The following NOS2 variants were observed in gnomAD, a reference collection of about 807,000 sequenced individuals.
NOS2 encodes nitric oxide synthase, inducible.
A neutral mutation model predicts 136.0 loss-of-function variants in NOS2; 96 were observed. The ratio of observed to expected loss-of-function variants is 0.71; its 90% confidence interval spans 0.60 to 0.84. NOS2 has a LOEUF of 0.84. NOS2 is among the 40% of genes least tolerant of loss of function. The pLI, the probability that NOS2 is intolerant of heterozygous loss-of-function variation, is 0.00. For missense variants in NOS2, 1,237 were observed against 1,496.9 expected, an observed-to-expected ratio of 0.83 and a Z score of 2.87; for synonymous variants, 539 against 587.5, an observed-to-expected ratio of 0.92 and a Z score of 1.20.
In NOS2 at chr17:27,773,373, C is replaced by A. The variant is rs992727028; in HGVS notation, c.1477-130G>T. The A allele has an allele frequency of 1.6e-4, 107 of 678,506 alleles. No individual in the cohort carries two copies. In the African/African-American group the frequency reaches 1.7e-3, roughly 11 times the overall value. 42.0% of individuals were successfully genotyped at this position (678,506 alleles called of 1,614,324 possible). On this transcript the variant is annotated intron_variant, in intron 12 of 26. Coordinates refer to ENST00000313735, the MANE Select transcript of NOS2 (RefSeq NM_000625.4). ...GAGAGAAGGCTGGCCTGCGCCCCAC[C>A]CCTGTCACTGAACTCCCACAAGGGA... is the stretch of plus-strand genomic sequence containing the variant.
chr17:27,765,736 C>A lies in NOS2; in HGVS notation c.2247-20G>T. On this transcript the variant is annotated intron_variant, in intron 19 of 26. Transcript: ENST00000313735. ...GCACGGCTGGGGAAGGAAAATGAAG[C>A]CTCAGGTGACATTGCAGGATTTCCT... 1 of 1,579,172 alleles carries A rather than the reference C, an allele frequency of 6.3e-7. No homozygotes were observed. The highest frequency in any genetic ancestry group is 8.6e-7 in the Non-Finnish European group (1 of 1,162,324).
In NOS2 at chr17:27,788,921, T is replaced by A; in HGVS notation, c.206A>T (p.Glu69Val). The change falls in exon 4 of 27, where the codon GAA becomes GTA. Residue 69 changes from glutamate to valine, a missense_variant. This residue lies in a region of NOS2 where 440 missense variants were observed against 545.4 expected (regional missense o/e 0.81). Coordinates refer to ENST00000313735, the MANE Select transcript of NOS2 (RefSeq NM_000625.4). ...GGTTGCATCCAGCTTGACCAGAGAT[T>A]CTGGAGACTTCTGCAAGGGGAAAAA... is the stretch of plus-strand genomic sequence containing the variant. ...PLVETGKKSPESLVKLDATPL... is the reference protein window; with the variant it reads ...PLVETGKKSPVSLVKLDATPL... The A allele has an allele frequency of 6.2e-7, 1 of 1,613,864 alleles. No individual in the cohort carries two copies. The highest frequency in any genetic ancestry group is 1.1e-5 in the South Asian group (1 of 91,032).
At chr17:27,788,783 G>A (rs1035926148) in intron 4 of NOS2, 26 bp downstream of exon 4, 4 of 1,600,754 alleles carry the variant, frequency 2.5e-6, no homozygotes, top group Non-Finnish European at 3.4e-6. Flanking sequence ...GGACAAAGGT[G>A]GTTCTCCCTG....
chr17:27,769,659 C>A, intron 15 of NOS2, 75 bp from the exon 16 acceptor site: 1 of 1,311,046 alleles, frequency 7.6e-7, no homozygotes, highest in Non-Finnish European at 1.1e-6. Context: ...CTTCTGGAAA[C>A]CTGGCCACAG....
chr17:27,765,176 C>T (rs1400069301), intron 20 of NOS2, among the ~76,000 whole-genome samples: 7 of 152,132 alleles, frequency 4.6e-5, no homozygotes, highest in Admixed American at 1.3e-4. Context: ...TTAGTAGAGA[C>T]GGGGTTTTGC....
At chr17:27,778,549 C>A in intron 11 of NOS2, 141 bp downstream of exon 11, 1 of 688,884 alleles carries the variant, frequency 1.5e-6, no homozygotes, top group African/African-American at 1.8e-5. Flanking sequence ...ATTGAACAGT[C>A]TTGGGAGGTG....
intron 2 of NOS2, among the ~76,000 whole-genome samples, chr17:27,794,895 C>T (rs3794766): frequency 0.21 from 32,648 of 152,068 alleles, 3,628 homozygotes; most frequent in Middle Eastern, 0.24. Context: ...AGGATGAAAT[C>T]CCCTTTGCAC....
intron 11 of NOS2, among the ~76,000 whole-genome samples, chr17:27,776,499 C>T (rs1442948384): frequency 1.3e-5 from 2 of 151,818 alleles, no homozygotes; most frequent in Non-Finnish European, 2.9e-5. Context: ...ATGGTGAAAC[C>T]CTATCTCTAC....
At chr17:27,798,968 C>T (rs71653625) in intron 1 of NOS2, 86 bp from the exon 2 acceptor site, 12 of 607,310 alleles carry the variant, frequency 2.0e-5, no homozygotes, top group African/African-American at 3.7e-5. Flanking sequence ...ACTGGGGAAT[C>T]GATATGAACG....
chr17:27,759,132 G>GGCAGGCCTCCTTGAGGCCA, intron 25 of NOS2, 57 bp from the exon 26 acceptor site: 1 of 1,333,216 alleles, frequency 7.5e-7, no homozygotes, highest in Non-Finnish European at 1.0e-6. Context: ...AAGGCTTGCA[G>GGCAGGCCTCCTTGAGGCCA]GCAGGCCTGC....
intron 5 of NOS2, among the ~76,000 whole-genome samples, chr17:27,786,106 A>G (rs529582081): frequency 6.7e-6 from 1 of 148,994 alleles, no homozygotes; most frequent in East Asian, 2.0e-4. Context: ...TAATAGCAAC[A>G]CTCCCCTTCC....
At chr17:27,797,316 T>C (rs1421660517) in intron 2 of NOS2, among the ~76,000 whole-genome samples, 1 of 152,236 alleles carries the variant, frequency 6.6e-6, no homozygotes, top group African/African-American at 2.4e-5. Context: ...AACAGTGCCA[T>C]TTGCTGAGCA....
chr17:27,757,126 G>T lies in NOS2; in HGVS notation c.*120C>A. The T allele has an allele frequency of 2.8e-6, 2 of 721,590 alleles. No individual in the cohort carries two copies. Among genetic ancestry groups the T allele is most frequent in the Non-Finnish European group, 2.2e-6 (1 of 445,654 alleles). 44.7% of individuals were successfully genotyped at this position (721,590 alleles called of 1,614,324 possible). A position where few individuals can be genotyped will look rare whatever the true frequency, so the allele number is the denominator to read the frequency against. On this transcript the variant is annotated 3_prime_UTR_variant, in exon 27 of 27. Transcript: ENST00000313735. ...ATGGGGAGCAACGTTGAGGAAATAA[G>T]ACTTGAGGCTGGGGGATATCACTTT...
chr17:27,784,789 C>T (rs1908967703), intron 5 of NOS2, among the ~76,000 whole-genome samples: 1 of 152,210 alleles, frequency 6.6e-6, no homozygotes, highest in Non-Finnish European at 1.5e-5. Context: ...TGAACCTGCT[C>T]AGCTGGTCAT....
chr17:27,769,608 G>A, intron 15 of NOS2, 24 bp from the exon 16 acceptor site: 1 of 1,597,776 alleles, frequency 6.3e-7, no homozygotes. Context: ...GAATGACAGA[G>A]TTCTCAAGCC....
intron 5 of NOS2, among the ~76,000 whole-genome samples, chr17:27,785,957 CAAAAAAAAAAAAA>C (rs1170004221): frequency 3.3e-4 from 13 of 39,802 alleles, no homozygotes; most frequent in African/African-American, 1.2e-3. Context: ...GACCGAGTCT[CAAAAAAAAAAAAA>C]AAAAAAAAAA....
At chr17:27,780,687 G>A (rs1908814484) in intron 9 of NOS2, 80 bp downstream of exon 9, 1 of 1,590,134 alleles carries the variant, frequency 6.3e-7, no homozygotes, top group South Asian at 1.1e-5. Flanking sequence ...AAGGTATGGG[G>A]AAGGCTGGAG....
intron 11 of NOS2, among the ~76,000 whole-genome samples, chr17:27,775,871 A>C (rs746752635): frequency 5.3e-5 from 8 of 152,272 alleles, no homozygotes; most frequent in Non-Finnish European, 8.8e-5. Context: ...AATAAATATT[A>C]GCTGCTCTTA....
chr17:27,778,901 T>A lies in NOS2; in HGVS notation c.1160A>T (p.Gln387Leu), dbSNP rs772821346. The A allele has an allele frequency of 1.2e-5, 20 of 1,608,448 alleles. No individual in the cohort carries two copies. Among genetic ancestry groups the A allele is most frequent in the Non-Finnish European group, 8.5e-7 (1 of 1,175,802 alleles). Residue 387 changes from glutamine (Q) to leucine (L), a missense_variant, in exon 10 of 27, where the codon CAG becomes CTG. Transcript: ENST00000313735. ...GGTTACCTCCAGGATGTTGTAGCGC[T>A]GGACGTCACAGAAGTCCCGGACTCC... ...EIGVRDFCDV[Q>L]RYNILEEVGR...
Sources: allele counts gnomAD v4.1 joint callset (sites outside exome capture counted in the v4.1 genomes callset), GRCh38; gene constraint gnomAD v4.1.1; regional missense constraint gnomAD v4.1.1; transcripts MANE v1.5; gene names NCBI Gene and HGNC (gene_info 2026-07-23, HGNC 2026-07-21).